DDX19A: variants seen among roughly 807,000 people sequenced by gnomAD.
The protein encoded by DDX19A is DEAD-box helicase 19A, also known as ATP-dependent RNA helicase DDX19A.
Under a neutral mutation model 60.6 loss-of-function variants are expected in DDX19A, and 12 were observed. The observed-to-expected ratio is 0.20, with a 90% confidence interval of 0.13 to 0.32. The LOEUF is 0.32. DDX19A is among the 10% of genes least tolerant of loss of function. DDX19A has a pLI of 1.00. For synonymous variants in DDX19A, 206 were observed against 218.2 expected (o/e 0.94, Z 0.49); for missense variants, 337 against 600.6 (o/e 0.56, Z 4.59).
chr16:70,355,603 G>A (rs1418845770), intron 3 of DDX19A, 68 bp downstream of exon 3: 1 of 1,219,064 alleles, frequency 8.2e-7, no homozygotes, highest in African/African-American at 1.5e-5. Context: ...GGAGCCAGGG[G>A]CACTCCAAGC....
At chr16:70,347,112 A>G (rs774401146) in intron 1 of DDX19A, 64 bp downstream of exon 1, 24 of 1,521,878 alleles carry the variant, frequency 1.6e-5, no homozygotes, top group Non-Finnish European at 2.1e-5. Flanking sequence ...TCCCAAAAGC[A>G]CAGGGAGCTC....
intron 4 of DDX19A, among the ~76,000 whole-genome samples, chr16:70,358,689 C>T (rs1009095481): frequency 6.6e-6 from 1 of 151,872 alleles, no homozygotes; most frequent in African/African-American, 2.4e-5. Flanking sequence ...ACTAAAAATA[C>T]AAAAAAATTA....
intron 1 of DDX19A, 137 bp from the exon 2 acceptor site, chr16:70,350,420 G>C: frequency 1.8e-6 from 1 of 554,780 alleles, no homozygotes; most frequent in Non-Finnish European, 3.2e-6. Context: ...ACTCTACTTT[G>C]AGGGAACAAA....
chr16:70,351,946 G>GC (rs562073426), intron 2 of DDX19A, among the ~76,000 whole-genome samples: 31 of 152,222 alleles, frequency 2.0e-4, no homozygotes, highest in African/African-American at 7.2e-4. Flanking sequence ...AAGGATTAGG[G>GC]CCCACCCTAG....
intron 4 of DDX19A, among the ~76,000 whole-genome samples, chr16:70,359,740 C>A (rs1251733259): frequency 6.6e-6 from 1 of 151,724 alleles, no homozygotes; most frequent in Non-Finnish European, 1.5e-5. Context: ...TGCCTGCAGC[C>A]CCAGCTACTC....
At chr16:70,363,409 T>C (rs2151640075) in intron 5 of DDX19A, 1 of 152,300 alleles carries the variant, frequency 6.6e-6, no homozygotes, top group East Asian at 1.9e-4. Context: ...CGGTCTCAGC[T>C]CACCGCAACC....
intron 3 of DDX19A, 62 bp downstream of exon 3, chr16:70,355,597 C>A: frequency 7.7e-7 from 1 of 1,300,970 alleles, no homozygotes. Flanking sequence ...CTTCCTGGAG[C>A]CAGGGGCACT....
In DDX19A at chr16:70,366,617, C is replaced by T. The variant is rs748967538; in HGVS notation, c.783-7C>T. On this transcript the variant is annotated splice_region_variant and splice_polypyrimidine_tract_variant and intron_variant, in intron 8 of 11. Transcript: ENST00000302243. ...CTGGGGCCATCTACCCGGGCCTTCC[C>T]TTGCAGGATGCTGCCCAGGAACTGC... 1.2e-6 allele frequency: 2 copies of T among 1,614,034 alleles called. No homozygotes were observed. Among genetic ancestry groups the T allele is most frequent in the East Asian group, 4.5e-5 (2 of 44,898 alleles).
chr16:70,366,819 C>T lies in DDX19A; in HGVS notation c.978C>T (p.Leu326=). Residue 326 remains leucine (L), a synonymous_variant, in exon 9 of 12, where the codon CTC becomes CTT. Transcript: ENST00000302243. ...RDEKFQALCN[L]YGAITIAQAM... is the part of the protein sequence containing the mutation. Reference sequence around the variant, plus strand: ...AGAAGTTCCAGGCCTTGTGTAACCTCTACGGGGCCATCACCATTGCTCAAG... The same window carrying T: ...AGAAGTTCCAGGCCTTGTGTAACCTTTACGGGGCCATCACCATTGCTCAAG... 1 of 1,614,068 alleles carries T rather than the reference C, an allele frequency of 6.2e-7. No individual in the cohort carries two copies. The highest frequency in any genetic ancestry group is 8.5e-7 in the Non-Finnish European group (1 of 1,179,932).
chr16:70,356,159 C>G lies in DDX19A; in HGVS notation c.205C>G (p.Leu69Val), dbSNP rs758663194. Residue 69 changes from leucine (L) to valine (V), a missense_variant, in exon 4 of 12, where the codon CTT (leucine) becomes GTT (valine). Leu to Val is a conservative substitution (Grantham distance 32, BLOSUM62 1). Transcript: ENST00000302243. ...SLLNKLIRSN[L>V]VDNTNQVEVL... ...ACTCAACAAGCTGATCAGAAGCAAC[C>G]TTGTTGATAACACAAACCAAGTGGA... 7.4e-6 allele frequency: 12 copies of G among 1,613,880 alleles called. No homozygotes were observed. The highest frequency in any genetic ancestry group is 1.0e-5 in the Non-Finnish European group (12 of 1,180,022).
intron 4 of DDX19A, among the ~76,000 whole-genome samples, chr16:70,356,547 G>A (rs972323812): frequency 1.3e-5 from 2 of 151,736 alleles, no homozygotes; most frequent in African/African-American, 4.8e-5. Flanking sequence ...TAGTAGAGAC[G>A]GGGTTTCACC....
chr16:70,371,210 T>C (rs1460949268), intron 10 of DDX19A, 162 bp from the exon 11 acceptor site: 7 of 1,239,800 alleles, frequency 5.6e-6, no homozygotes, highest in South Asian at 1.5e-5. Context: ...CTCTGGGTTC[T>C]GTTGCCTGCC....
chr16:70,362,020 A>C (rs1964376236), intron 5 of DDX19A, among the ~76,000 whole-genome samples: 1 of 152,014 alleles, frequency 6.6e-6, no homozygotes, highest in South Asian at 2.1e-4. Flanking sequence ...AATCAAAAAA[A>C]AAAAAATATC....
At chr16:70,362,340 C>CAAAAAAAAAAAAAAAAAAAAAAA in intron 5 of DDX19A, among the ~76,000 whole-genome samples, 1 of 46,398 alleles carries the variant, frequency 2.2e-5, no homozygotes, top group Non-Finnish European at 4.7e-5. Flanking sequence ...GACTCTGTCT[C>CAAAAAAAAAAAAAAAAAAAAAAA]AAAAAAAAAA....
intron 5 of DDX19A, 57 bp downstream of exon 5, chr16:70,361,567 A>C: frequency 6.9e-7 from 1 of 1,454,516 alleles, no homozygotes; most frequent in Non-Finnish European, 9.5e-7. Flanking sequence ...TCTTCCCCAA[A>C]CTGCGTTTTT....
intron 9 of DDX19A, among the ~76,000 whole-genome samples, chr16:70,369,335 A>G (rs887643867): frequency 4.0e-5 from 6 of 150,840 alleles, no homozygotes; most frequent in Non-Finnish European, 8.8e-5. Context: ...ACATGCCACC[A>G]CGCCCAGCTA....
chr16:70,348,384 G>T (rs960170988), intron 1 of DDX19A, among the ~76,000 whole-genome samples: 1 of 152,036 alleles, frequency 6.6e-6, no homozygotes, highest in African/African-American at 2.4e-5. Context: ...CCAGCACTTT[G>T]GGAGGCCGAG....
Position 70,347,044 on chromosome 16 carries a change from A to C in DDX19A, c.53A>C (p.Lys18Thr), listed in dbSNP as rs1412462590. 6 of 1,612,022 alleles carry C rather than the reference A, an allele frequency of 3.7e-6. No homozygotes were observed. The East Asian group carries it at 6.7e-5, about 18-fold the overall frequency. The change falls in exon 1 of 12, where the codon AAG (lysine) becomes ACG (threonine). Residue 18 changes from lysine to threonine, a missense_variant. Coordinates refer to ENST00000302243, the MANE Select transcript of DDX19A (RefSeq NM_018332.5). The part of the protein sequence containing the change: ...LAVDEQEAAV[K>T]SMTNLQIKEE... ...GTGGACGAGCAGGAAGCGGCTGTCA[A>C]GTCGGTCAGTAGCTCAGCTCCTGGC... is the stretch of plus-strand genomic sequence containing the variant.
At chr16:70,359,574 G>A (rs949035183) in intron 4 of DDX19A, among the ~76,000 whole-genome samples, 3 of 152,198 alleles carry the variant, frequency 2.0e-5, no homozygotes, top group African/African-American at 7.2e-5. Context: ...AGAAGTTGGT[G>A]TCCAGGTGCG....
Sources: gnomAD v4.1 joint callset for allele counts (sites outside exome capture counted in the v4.1 genomes callset) on GRCh38, gnomAD v4.1.1 for gene constraint, MANE v1.5 for transcripts, NCBI Gene and HGNC (gene_info 2026-07-23, HGNC 2026-07-21) for gene names.